The following TTI1 variants were observed in gnomAD, a reference collection of about 807,000 sequenced individuals.
The protein encoded by TTI1 is TELO2 interacting protein 1.
In TTI1, 52 loss-of-function variants were observed where a neutral mutation model predicts 85.4. The ratio of observed to expected loss-of-function variants is 0.61; its 90% confidence interval spans 0.49 to 0.77. TTI1 has a LOEUF of 0.77. Ranked by LOEUF, TTI1 falls within the 30% of genes least tolerant of loss-of-function variation. TTI1 has a pLI of 0.00. For synonymous variants in TTI1, 512 were observed against 503.9 expected, an observed-to-expected ratio of 1.02 and a Z score of -0.22; for missense variants, 1,173 against 1,296.0, an observed-to-expected ratio of 0.91 and a Z score of 1.46.
chr20:37,996,713 A>T, intron 6 of TTI1, 36 bp downstream of exon 6: 2 of 1,577,164 alleles, frequency 1.3e-6, no homozygotes, highest in Non-Finnish European at 1.7e-6. Flanking sequence ...ACAGATGCTA[A>T]GTGTGTGTGT....
At chr20:38,025,104 C>G (rs2073819417) in intron 1 of TTI1, among the ~76,000 whole-genome samples, 2 of 152,148 alleles carry the variant, frequency 1.3e-5, no homozygotes, top group Admixed American at 1.3e-4. Context: ...GTACGGACCC[C>G]CTTCTCCTAC....
intron 2 of TTI1, among the ~76,000 whole-genome samples, chr20:38,011,005 T>C (rs2073578340): frequency 6.6e-6 from 1 of 152,232 alleles, no homozygotes; most frequent in Non-Finnish European, 1.5e-5. Context: ...GTAACTGTAC[T>C]GGATAGAACG....
intron 7 of TTI1, among the ~76,000 whole-genome samples, chr20:37,984,591 G>A (rs2073166258): frequency 1.3e-5 from 2 of 152,212 alleles, no homozygotes; most frequent in African/African-American, 4.8e-5. Context: ...CTCCTGCAGT[G>A]AGCAGGGCCT....
chr20:37,997,760 C>A (rs2073363869), intron 5 of TTI1, among the ~76,000 whole-genome samples: 1 of 152,168 alleles, frequency 6.6e-6, no homozygotes, highest in Non-Finnish European at 1.5e-5. Flanking sequence ...TCAGTGTCAT[C>A]ATCGTGTCTG....
intron 1 of TTI1, among the ~76,000 whole-genome samples, chr20:38,015,545 G>A (rs1005240026): frequency 1.3e-5 from 2 of 152,126 alleles, no homozygotes; most frequent in African/African-American, 4.8e-5. Context: ...TGCTTAATGG[G>A]ATCCAGCAGT....
At chr20:38,010,547 T>C (rs1033680262) in intron 2 of TTI1, among the ~76,000 whole-genome samples, 4 of 146,156 alleles carry the variant, frequency 2.7e-5, no homozygotes, top group African/African-American at 5.1e-5. Context: ...CTTGGCTCAC[T>C]GCAAGCTCCG....
chr20:38,002,675 G>A lies in TTI1; in HGVS notation c.2605C>T (p.Arg869Cys), dbSNP rs141463873. 56 of 1,614,206 alleles carry A rather than the reference G, an allele frequency of 3.5e-5. No homozygotes were observed. In the African/African-American group the frequency reaches 6.4e-4, roughly 18 times the overall value. The change falls in exon 4 of 8, where the codon CGC (arginine) becomes TGC (cysteine). Residue 869 changes from arginine (R) to cysteine (C), a missense_variant. Coordinates refer to ENST00000373447, the MANE Select transcript of TTI1 (RefSeq NM_001303457.2). Reference protein sequence around the residue: ...QIQIAMDVMERCIHLLSDKNL... With the variant: ...QIQIAMDVMECCIHLLSDKNL... The stretch of plus-strand genomic sequence containing the variant: ...TTATCTGACAACAAGTGGATGCAGC[G>A]TTCCATCACGTCCATGGCTATTTGG...
At chr20:37,990,863 T>C (rs1350951705) in intron 7 of TTI1, among the ~76,000 whole-genome samples, 2 of 152,122 alleles carry the variant, frequency 1.3e-5, no homozygotes, top group Non-Finnish European at 2.9e-5. Flanking sequence ...TACCGGGTGG[T>C]AAGATGGTTG....
intron 7 of TTI1, among the ~76,000 whole-genome samples, chr20:37,990,017 C>G (rs1009107700): frequency 6.6e-6 from 1 of 152,178 alleles, no homozygotes; most frequent in African/African-American, 2.4e-5. Flanking sequence ...CTTTCCTTTT[C>G]TTTTTAAAAA....
intron 5 of TTI1, among the ~76,000 whole-genome samples, chr20:37,997,772 G>T (rs908896726): frequency 6.6e-6 from 1 of 152,070 alleles, no homozygotes; most frequent in African/African-American, 2.4e-5. Context: ...TCGTGTCTGC[G>T]CATGGGGAAA....
intron 7 of TTI1, chr20:37,987,343 T>A: frequency 2.2e-6 from 1 of 456,780 alleles, no homozygotes; most frequent in Non-Finnish European, 4.4e-6. Context: ...TTGAAGTGAC[T>A]GGGGTAACTG....
intron 4 of TTI1, among the ~76,000 whole-genome samples, chr20:38,001,724 CT>C (rs989403336): frequency 5.2e-4 from 76 of 147,118 alleles, no homozygotes; most frequent in Middle Eastern, 3.6e-3. Flanking sequence ...GTTTCTCTCT[CT>C]TTTTTTTTTT....
In TTI1 at chr20:38,012,160, G is replaced by A; in HGVS notation, c.1657C>T (p.Leu553=). The part of the protein sequence containing the change: ...EKHIKTNPEE[L]REIVTSILEE... The stretch of plus-strand genomic sequence containing the variant: ...AGTATAGATGTCACAATCTCTCTCA[G>A]TTCTTCTGGGTTTGTTTTAATATGT... The change falls in exon 2 of 8, where the codon CTG becomes TTG. Residue 553 remains leucine (L), a synonymous_variant. Transcript: ENST00000373447. The A allele has an allele frequency of 6.2e-7, 1 of 1,614,122 alleles. No individual in the cohort carries two copies. The highest frequency in any genetic ancestry group is 1.1e-5 in the South Asian group (1 of 91,080).
chr20:38,029,148 C>T (rs190201682), intron 1 of TTI1, among the ~76,000 whole-genome samples: 315 of 151,996 alleles, frequency 2.1e-3, no homozygotes, highest in African/African-American at 6.9e-3. Context: ...ATCACTAACA[C>T]AGAGATAACA....
intron 7 of TTI1, among the ~76,000 whole-genome samples, chr20:37,994,473 A>T (rs1051039245): frequency 8.0e-4 from 13 of 16,150 alleles, no homozygotes; most frequent in African/African-American, 3.1e-3. Flanking sequence ...TGGCCCACCC[A>T]CCCACCCCTC....
At chr20:37,983,985 G>A (rs148557054) in intron 7 of TTI1, among the ~76,000 whole-genome samples, 1 of 152,346 alleles carries the variant, frequency 6.6e-6, no homozygotes, top group Non-Finnish European at 1.5e-5. Context: ...AAAAACGACA[G>A]AGTGTACCCT....
intron 1 of TTI1, among the ~76,000 whole-genome samples, chr20:38,031,306 T>C (rs2073902605): frequency 6.6e-6 from 1 of 152,264 alleles, no homozygotes; most frequent in African/African-American, 2.4e-5. Flanking sequence ...AGTCCCTTCG[T>C]ACTTTTCTGA....
At position 37,985,887 on chromosome 20, in the gene TTI1, T is replaced by G. The variant is rs533705127; in HGVS notation, c.3087-2248A>C. ...AATTTACTTTTCTTTGCTAGGATAA[T>G]CTTGTGTTTATAACCTCCATAGTGG... is the stretch of plus-strand genomic sequence containing the variant. On this transcript the variant is annotated intron_variant, in intron 7 of 7. Transcript: ENST00000373447. Among the ~76,000 whole-genome samples the G allele has an allele frequency of 1.5e-3, 221 of 152,282 alleles. 1 individual carries two copies. The highest frequency in any genetic ancestry group is 7.7e-3 in the South Asian group (37 of 4,824).
At chr20:38,010,459 TGCCATTCC>T (rs2073566752) in intron 2 of TTI1, among the ~76,000 whole-genome samples, 3 of 149,292 alleles carry the variant, frequency 2.0e-5, no homozygotes, top group African/African-American at 7.5e-5. Flanking sequence ...TCCAAAATTT[TGCCATTCC>T]TTTTTTTTTT....
Sources: allele counts gnomAD v4.1 joint callset (sites outside exome capture counted in the v4.1 genomes callset), GRCh38; gene constraint gnomAD v4.1.1; transcripts MANE v1.5; gene names NCBI Gene and HGNC (gene_info 2026-07-23, HGNC 2026-07-21).